VTI1A: variants seen among roughly 807,000 people sequenced by gnomAD.
VTI1A encodes vesicle transport through interaction with t-SNAREs homolog 1A.
VTI1A carries 22 observed loss-of-function variants against 34.9 expected under a neutral mutation model. That is an observed-to-expected ratio of 0.63 (90% CI 0.45 to 0.90). The LOEUF (loss-of-function observed/expected upper bound fraction) is 0.90. Among genes scored for constraint, VTI1A ranks in the 40% least tolerant of loss-of-function variants. The pLI is 0.00. For synonymous variants in VTI1A, 87 were observed against 97.3 expected (o/e 0.89, Z 0.62); for missense variants, 268 against 275.6 (o/e 0.97, Z 0.20).
At chr10:112,450,211 C>A (rs891613435) in intron 1 of VTI1A, 1 of 152,158 alleles carries the variant, frequency 6.6e-6, no homozygotes, top group Non-Finnish European at 1.5e-5. Flanking sequence ...TTCTTAAAAA[C>A]GCAGTAGTTG....
chr10:112,660,117 T>C (rs949656537), intron 5 of VTI1A, among the ~76,000 whole-genome samples: 1 of 152,196 alleles, frequency 6.6e-6, no homozygotes, highest in Non-Finnish European at 1.5e-5. Context: ...GTTGTTGTTT[T>C]TGAGACAGAG....
At chr10:112,505,491 A>G (rs980537653) in intron 3 of VTI1A, among the ~76,000 whole-genome samples, 3 of 152,138 alleles carry the variant, frequency 2.0e-5, no homozygotes, top group African/African-American at 4.8e-5. Flanking sequence ...TAATCTAATT[A>G]TGTTTGCTAG....
rs535827412 is a variant in VTI1A, at chr10:112,681,068, T to C, written c.560+12070T>C. ...CCTTAAACTGTTGAATTTTTCTCTT[T>C]TTTTCTTTTCTTTTTTTTTTTTTTA... On this transcript the variant is annotated intron_variant, in intron 7 of 7. Transcript: ENST00000393077. Among the ~76,000 whole-genome samples, 118 of 147,600 alleles carry C rather than the reference T, an allele frequency of 8.0e-4. 1 individual carries two copies. The highest frequency in any genetic ancestry group is 1.2e-3 in the Non-Finnish European group (81 of 67,668).
chr10:112,833,802 G>C, the VTI1A span, among the ~76,000 whole-genome samples: 3 of 152,294 alleles, frequency 2.0e-5, no homozygotes, highest in South Asian at 6.2e-4. Flanking sequence ...TTCAATCCCT[G>C]TGGCATTGAT....
At chr10:112,779,971 C>T (rs1432338370) in intron 7 of VTI1A, among the ~76,000 whole-genome samples, 1 of 151,920 alleles carries the variant, frequency 6.6e-6, no homozygotes, top group African/African-American at 2.4e-5. Context: ...TTACTCAGTT[C>T]TGAGTTACTG....
chr10:112,665,138 C>A (rs1266951251), intron 5 of VTI1A, among the ~76,000 whole-genome samples: 1 of 152,096 alleles, frequency 6.6e-6, no homozygotes, highest in Non-Finnish European at 1.5e-5. Context: ...TTGGTGAATG[C>A]TTACATCTTC....
At chr10:112,839,076 C>T in the VTI1A span, among the ~76,000 whole-genome samples, 3 of 152,176 alleles carry the variant, frequency 2.0e-5, no homozygotes, top group African/African-American at 7.2e-5. Context: ...TGCTGGTTGC[C>T]CCTCCCTTGC....
At chr10:112,636,728 CAA>C (rs10667914) in intron 5 of VTI1A, among the ~76,000 whole-genome samples, 2 of 111,686 alleles carry the variant, frequency 1.8e-5, no homozygotes, top group Admixed American at 9.6e-5. Flanking sequence ...GACTCGATCT[CAA>C]AAAAAAAAAA....
chr10:112,806,976 A>G (rs1230550245), intron 7 of VTI1A, among the ~76,000 whole-genome samples: 1 of 152,158 alleles, frequency 6.6e-6, no homozygotes, highest in Admixed American at 6.5e-5. Flanking sequence ...CTTATCTCAC[A>G]TGGCTTCAGG....
At chr10:112,500,309 C>G (rs980254395) in intron 3 of VTI1A, among the ~76,000 whole-genome samples, 3 of 151,982 alleles carry the variant, frequency 2.0e-5, no homozygotes, top group Non-Finnish European at 2.9e-5. Flanking sequence ...GAGGCTCGCG[C>G]CTGAAGTCAC....
chr10:112,792,802 G>A lies in VTI1A; in HGVS notation c.561-22488G>A, dbSNP rs181281381. Among the ~76,000 whole-genome samples, 690 of 152,308 alleles carry A rather than the reference G, an allele frequency of 4.5e-3. 5 individuals are homozygous for A. In the Middle Eastern group the frequency reaches 0.061, roughly 14 times the overall value. Reference sequence around the variant, plus strand: ...AAAAAGTTTTTTTGAACTGAGTTTGGATGTTGATGGTGATAATTACGTAGG... The same window carrying A: ...AAAAAGTTTTTTTGAACTGAGTTTGAATGTTGATGGTGATAATTACGTAGG... On this transcript the variant is annotated intron_variant, in intron 7 of 7. Transcript: ENST00000393077.
chr10:112,703,696 T>C (rs1207560648), intron 7 of VTI1A, among the ~76,000 whole-genome samples: 1 of 152,184 alleles, frequency 6.6e-6, no homozygotes, highest in Admixed American at 6.5e-5. Flanking sequence ...ATCACATATA[T>C]ATTATTTACA....
At position 112,817,276 on chromosome 10, in the gene VTI1A, A is replaced by G. The variant is rs1288492432; in HGVS notation, c.*1893A>G. 1.3e-5 allele frequency: 3 copies of G among 232,288 alleles called. No homozygotes were observed. The highest frequency in any genetic ancestry group is 1.2e-4 in the East Asian group (2 of 16,484). 14.4% of individuals were successfully genotyped at this position (232,288 alleles called of 1,614,324 possible). On this transcript the variant is annotated 3_prime_UTR_variant, in exon 8 of 8. Transcript: ENST00000393077. Reference sequence around the variant, plus strand: ...GTTACCAGCTGCACTTCGCACGGCCATCCCGTCCACAATGCAGCAGACTCT... The same window carrying G: ...GTTACCAGCTGCACTTCGCACGGCCGTCCCGTCCACAATGCAGCAGACTCT...
chr10:112,451,812 A>G (rs1217658961), intron 1 of VTI1A, among the ~76,000 whole-genome samples: 1 of 152,168 alleles, frequency 6.6e-6, no homozygotes, highest in Non-Finnish European at 1.5e-5. Flanking sequence ...TTGTTCATGA[A>G]TATTGTGGTT....
At chr10:112,455,743 TGAG>T (rs1366449471) in intron 1 of VTI1A, among the ~76,000 whole-genome samples, 6 of 149,774 alleles carry the variant, frequency 4.0e-5, no homozygotes, top group African/African-American at 1.5e-4. Context: ...CTTAAAAACA[TGAG>T]GAACACTATA....
At chr10:112,544,689 G>A (rs976346968) in intron 5 of VTI1A, among the ~76,000 whole-genome samples, 4 of 152,076 alleles carry the variant, frequency 2.6e-5, no homozygotes, top group Non-Finnish European at 5.9e-5. Flanking sequence ...GGATCTCCCA[G>A]GGAAGAACCC....
the VTI1A span, among the ~76,000 whole-genome samples, chr10:112,835,439 C>G: frequency 6.6e-6 from 1 of 152,238 alleles, no homozygotes. Context: ...CCAGCCCTCT[C>G]CCCTGCAGTT....
downstream of VTI1A, among the ~76,000 whole-genome samples, chr10:112,823,299 G>C (rs1853686971): frequency 6.6e-6 from 1 of 152,168 alleles, no homozygotes; most frequent in East Asian, 1.9e-4. Flanking sequence ...GATCGGGGCC[G>C]ACTTGGAGGA....
intron 5 of VTI1A, among the ~76,000 whole-genome samples, chr10:112,642,554 A>G (rs970534591): frequency 6.9e-6 from 1 of 144,174 alleles, no homozygotes; most frequent in Non-Finnish European, 1.5e-5. Flanking sequence ...TGTTGTATTC[A>G]TAGCATTCAG....
Sources: gnomAD v4.1 joint callset for allele counts (sites outside exome capture counted in the v4.1 genomes callset) on GRCh38, gnomAD v4.1.1 for gene constraint, MANE v1.5 for transcripts, NCBI Gene and HGNC (gene_info 2026-07-23, HGNC 2026-07-21) for gene names.